Variants in PCDH9 observed in about 807,000 individuals in gnomAD.
PCDH9 encodes protocadherin-9.
A neutral mutation model predicts 70.6 loss-of-function variants in PCDH9; 24 were observed. That is an observed-to-expected ratio of 0.34 (90% confidence interval 0.25 to 0.48). The LOEUF is 0.48. Among genes scored for constraint, PCDH9 ranks in the 20% least tolerant of loss-of-function variants. The pLI is 0.99. For synonymous variants in PCDH9, 562 were observed against 558.5 expected (o/e 1.01, Z -0.09); for missense variants, 1,281 against 1,503.6 (o/e 0.85, Z 2.45).
chr13:66,791,656 T>A lies in PCDH9; in HGVS notation c.3138+111848A>T, dbSNP rs80217556. 3.4e-3 allele frequency among the ~76,000 whole-genome samples: 523 copies of A among 152,272 alleles called. 2 individuals carry two copies. The highest frequency in any genetic ancestry group is 4.2e-3 in the Non-Finnish European group (288 of 67,974). On this transcript the variant is annotated intron_variant, in intron 3 of 4. Coordinates refer to ENST00000377865, the MANE Select transcript of PCDH9 (RefSeq NM_203487.3). ...GTAAATAATGTAGTAATGCTATAAT[T>A]TGTACATGCTTATGTATGTATTATG...
chr13:67,116,707 T>C lies in PCDH9; in HGVS notation c.3036+108698A>G, dbSNP rs537894680. ...TCAAACCTATTGCTCCTTTGTTCCA[T>C]CCACCATCAATATACACAAGATACT... On this transcript the variant is annotated intron_variant, in intron 2 of 4. Coordinates refer to ENST00000377865, the MANE Select transcript of PCDH9 (RefSeq NM_203487.3). Among the ~76,000 whole-genome samples, 38 of 152,278 alleles carry C rather than the reference T, an allele frequency of 2.5e-4. 1 individual carries two copies. In the South Asian group the frequency reaches 5.2e-3, roughly 21 times the overall value.
At chr13:66,519,807 T>C (rs980045786) in intron 4 of PCDH9, among the ~76,000 whole-genome samples, 6 of 152,134 alleles carry the variant, frequency 3.9e-5, no homozygotes, top group Admixed American at 6.6e-5. Flanking sequence ...CTCTCGGCCA[T>C]TGGAAAATAT....
intron 4 of PCDH9, among the ~76,000 whole-genome samples, chr13:66,443,934 G>T (rs114892302): frequency 2.6e-5 from 4 of 151,970 alleles, no homozygotes; most frequent in Middle Eastern, 3.2e-3. Context: ...CAAATTTCTT[G>T]TACATTCTTT....
chr13:66,858,257 C>G (rs1193978599), intron 3 of PCDH9, among the ~76,000 whole-genome samples: 1 of 152,080 alleles, frequency 6.6e-6, no homozygotes, highest in Non-Finnish European at 1.5e-5. Context: ...AACAATAGGA[C>G]AGTTATTTTC....
At chr13:66,920,235 T>G (rs1007917233) in intron 2 of PCDH9, among the ~76,000 whole-genome samples, 1 of 151,192 alleles carries the variant, frequency 6.6e-6, no homozygotes, top group Non-Finnish European at 1.5e-5. Flanking sequence ...TTCCTATGCA[T>G]TTTTAAAGAA....
intron 2 of PCDH9, among the ~76,000 whole-genome samples, chr13:66,908,190 C>G (rs890697632): frequency 6.6e-6 from 1 of 152,154 alleles, no homozygotes. Context: ...CTACCATCAC[C>G]TATGGTTTTC....
At chr13:66,884,490 A>G (rs56265125) in intron 3 of PCDH9, among the ~76,000 whole-genome samples, 1 of 152,254 alleles carries the variant, frequency 6.6e-6, no homozygotes, top group Non-Finnish European at 1.5e-5. Context: ...TTTTCTGTAG[A>G]CGTATGTTGA....
intron 4 of PCDH9, among the ~76,000 whole-genome samples, chr13:66,395,813 A>G (rs1957093210): frequency 6.6e-6 from 1 of 152,144 alleles, no homozygotes; most frequent in Non-Finnish European, 1.5e-5. Flanking sequence ...CAAAACTGCA[A>G]AAAATGCTCT....
intron 2 of PCDH9, among the ~76,000 whole-genome samples, chr13:67,029,602 CT>C: frequency 6.6e-6 from 1 of 152,246 alleles, no homozygotes; most frequent in South Asian, 2.1e-4. Flanking sequence ...TTTTAAGAGC[CT>C]TGACTAAGAT....
chr13:67,200,512 C>G (rs1449082460), intron 2 of PCDH9, among the ~76,000 whole-genome samples: 1 of 151,952 alleles, frequency 6.6e-6, no homozygotes, highest in East Asian at 1.9e-4. Flanking sequence ...TAAACCAAGT[C>G]TCTATATTTA....
At chr13:67,076,567 G>T (rs2085882112) in intron 2 of PCDH9, among the ~76,000 whole-genome samples, 2 of 152,084 alleles carry the variant, frequency 1.3e-5, no homozygotes, top group South Asian at 4.1e-4. Flanking sequence ...CTGTGATGTG[G>T]GCTCTCTGTC....
At chr13:66,755,103 T>G (rs117814111) in intron 3 of PCDH9, among the ~76,000 whole-genome samples, 1 of 148,990 alleles carries the variant, frequency 6.7e-6, no homozygotes, top group East Asian at 1.9e-4. Flanking sequence ...AACTGCAATG[T>G]TAAAATTTTA....
At chr13:66,354,220 A>G (rs1956342293) in intron 4 of PCDH9, among the ~76,000 whole-genome samples, 1 of 152,142 alleles carries the variant, frequency 6.6e-6, no homozygotes, top group African/African-American at 2.4e-5. Flanking sequence ...CTGATTTTCC[A>G]GGAAATTTAC....
intron 3 of PCDH9, among the ~76,000 whole-genome samples, chr13:66,775,528 C>T (rs929620828): frequency 6.6e-6 from 1 of 152,098 alleles, no homozygotes; most frequent in Non-Finnish European, 1.5e-5. Flanking sequence ...GCAAGACCAA[C>T]CCCTCCTCTT....
intron 2 of PCDH9, among the ~76,000 whole-genome samples, chr13:66,999,789 T>C (rs1378496927): frequency 1.3e-5 from 2 of 152,052 alleles, no homozygotes; most frequent in Non-Finnish European, 2.9e-5. Context: ...TGAGATACCA[T>C]CTCACACCAG....
At chr13:66,746,718 ACTT>A (rs1249090115) in intron 3 of PCDH9, among the ~76,000 whole-genome samples, 2 of 152,166 alleles carry the variant, frequency 1.3e-5, no homozygotes, top group Non-Finnish European at 2.9e-5. Flanking sequence ...TTGAAATCAA[ACTT>A]CTTCAAGAAT....
In PCDH9 at chr13:67,226,180, T is replaced by C. The variant is rs764438580; in HGVS notation, c.2261A>G (p.Asn754Ser). The change falls in exon 2 of 5, where the codon AAC becomes AGC. Residue 754 changes from asparagine to serine, a missense_variant. Physicochemically the swap from Asn to Ser is conservative, Grantham distance 46. Coordinates refer to ENST00000377865, the MANE Select transcript of PCDH9 (RefSeq NM_203487.3). This position sits in a 1 kb window ranked among gnomAD's most constrained non-coding sequence, Gnocchi z 5.0. ...CTTAGGGTACCCCAGGTCACTTATG[T>C]TGACCACCAAACGATGCAATCCCAC... Reference protein sequence around the residue: ...TDVGLHRLVVNISDLGYPKSL... With the variant: ...TDVGLHRLVVSISDLGYPKSL... 1.9e-6 allele frequency: 3 copies of C among 1,614,048 alleles called. No homozygotes were observed. Among genetic ancestry groups the C allele is most frequent in the African/African-American group, 2.7e-5 (2 of 74,926 alleles).
intron 4 of PCDH9, among the ~76,000 whole-genome samples, chr13:66,586,747 T>G (rs2076968504): frequency 6.6e-6 from 1 of 152,146 alleles, no homozygotes; most frequent in South Asian, 2.1e-4. Context: ...AAAACCCTAC[T>G]GTAATACTAT....
chr13:67,062,891 A>T (rs1434894354), intron 2 of PCDH9, among the ~76,000 whole-genome samples: 1 of 152,194 alleles, frequency 6.6e-6, no homozygotes, highest in Non-Finnish European at 1.5e-5. Flanking sequence ...GAAGCAATCC[A>T]GAAAACATGC....
Sources: gnomAD v4.1 joint callset for allele counts (sites outside exome capture counted in the v4.1 genomes callset) on GRCh38, gnomAD v4.1.1 for gene constraint, Gnocchi (gnomAD v3.1) non-coding constraint, MANE v1.5 for transcripts, NCBI Gene and HGNC (gene_info 2026-07-23, HGNC 2026-07-21) for gene names.